CHL1: variants seen among roughly 807,000 people sequenced by gnomAD.
The protein encoded by CHL1 is neural cell adhesion molecule L1-like protein.
CHL1 carries 96 observed loss-of-function variants against 141.9 expected under a neutral mutation model. The ratio of observed to expected loss-of-function variants is 0.68; its 90% CI spans 0.57 to 0.80. The LOEUF is 0.80. Ranked by LOEUF, CHL1 falls within the 30% of genes least tolerant of loss-of-function variation. CHL1 has a pLI of 0.00. For synonymous variants in CHL1, 613 were observed against 502.2 expected, an observed-to-expected ratio of 1.22 and a Z score of -2.95; for missense variants, 1,820 against 1,457.2, an observed-to-expected ratio of 1.25 and a Z score of -4.05.
At chr3:214,155 T>C (rs1317233074) in intron 1 of CHL1, among the ~76,000 whole-genome samples, 2 of 152,162 alleles carry the variant, frequency 1.3e-5, no homozygotes, top group Non-Finnish European at 2.9e-5. Context: ...TGCTTTTCGA[T>C]TGTGAGACGA....
chr3:338,816 A>G (rs1225702999), intron 5 of CHL1, among the ~76,000 whole-genome samples: 1 of 152,176 alleles, frequency 6.6e-6, no homozygotes, highest in Admixed American at 6.5e-5. Flanking sequence ...TTACATTTTC[A>G]GAATTAGAAT....
At chr3:253,330 T>G (rs1460346725) in intron 2 of CHL1, among the ~76,000 whole-genome samples, 2 of 152,086 alleles carry the variant, frequency 1.3e-5, no homozygotes, top group African/African-American at 4.8e-5. Flanking sequence ...TTGTTTAGAG[T>G]TCTTCTCTGA....
At chr3:374,551 C>T (rs139830871) in intron 15 of CHL1, among the ~76,000 whole-genome samples, 7 of 152,328 alleles carry the variant, frequency 4.6e-5, no homozygotes, top group Admixed American at 2.0e-4. Context: ...CCCAGTTTTA[C>T]AGTTCCTGCA....
intron 20 of CHL1, among the ~76,000 whole-genome samples, chr3:390,198 A>G (rs1708107115): frequency 6.6e-6 from 1 of 152,238 alleles, no homozygotes; most frequent in Non-Finnish European, 1.5e-5. Context: ...AGATAGTATT[A>G]GCCTTGACTG....
At chr3:248,658 T>G (rs1693403852) in intron 2 of CHL1, 1 of 152,132 alleles carries the variant, frequency 6.6e-6, no homozygotes, top group Non-Finnish European at 1.5e-5. Flanking sequence ...AAGCTCAATC[T>G]TCATAGCCTT....
intron 1 of CHL1, among the ~76,000 whole-genome samples, chr3:240,034 G>A (rs1017181948): frequency 1.3e-5 from 2 of 152,122 alleles, no homozygotes; most frequent in African/African-American, 2.4e-5. Flanking sequence ...TTGCGATTGC[G>A]AATTGTGCTG....
At chr3:373,328 C>T (rs1194692861) in intron 15 of CHL1, among the ~76,000 whole-genome samples, 1 of 152,202 alleles carries the variant, frequency 6.6e-6, no homozygotes, top group African/African-American at 2.4e-5. Context: ...TGCAGGGAAG[C>T]CCCACCCAAG....
At chr3:275,624 G>T (rs1696026345) in intron 2 of CHL1, among the ~76,000 whole-genome samples, 1 of 152,190 alleles carries the variant, frequency 6.6e-6, no homozygotes, top group Non-Finnish European at 1.5e-5. Context: ...AGGCAGGGAA[G>T]AGTAGACATG....
chr3:361,392 G>A (rs1355502315), intron 12 of CHL1, among the ~76,000 whole-genome samples: 1 of 126,202 alleles, frequency 7.9e-6, no homozygotes, highest in African/African-American at 2.9e-5. Context: ...AAACCAAAGA[G>A]CTTCTGCACA....
intron 2 of CHL1, among the ~76,000 whole-genome samples, chr3:267,527 A>C (rs1695259816): frequency 6.6e-6 from 1 of 152,146 alleles, no homozygotes; most frequent in African/African-American, 2.4e-5. Context: ...AGGATTTTTG[A>C]TTTTATGTTA....
rs1574894517 is a variant in CHL1, at chr3:261,729, T to G, written c.-95+17037T>G. ...AAGCCACAGACTTAACAACCAGCTC[T>G]CAAAATCCTCTCCTCAGTATTTATA... On this transcript the variant is annotated intron_variant, in intron 2 of 27. Transcript: ENST00000256509. Among the ~76,000 whole-genome samples the G allele has an allele frequency of 2.0e-5, 3 of 152,114 alleles. No homozygotes were observed. The East Asian group carries it at 5.8e-4, about 29-fold the overall frequency.
intron 2 of CHL1, among the ~76,000 whole-genome samples, chr3:311,531 A>G (rs1699752508): frequency 1.3e-5 from 2 of 152,082 alleles, no homozygotes; most frequent in Non-Finnish European, 2.9e-5. Context: ...AGCACTGCCC[A>G]GTCATGTGAC....
intron 19 of CHL1, among the ~76,000 whole-genome samples, chr3:386,262 G>A (rs1278213615): frequency 3.3e-5 from 5 of 149,384 alleles, no homozygotes; most frequent in African/African-American, 1.2e-4. Context: ...ATGAAGATGA[G>A]CAGTAGGAAC....
chr3:230,759 T>A (rs1701786315), intron 1 of CHL1, among the ~76,000 whole-genome samples: 1 of 152,208 alleles, frequency 6.6e-6, no homozygotes, highest in Non-Finnish European at 1.5e-5. Flanking sequence ...CTTATATTCT[T>A]ATAGGCAGAT....
intron 2 of CHL1, among the ~76,000 whole-genome samples, chr3:299,478 A>G (rs1698515039): frequency 6.6e-6 from 1 of 152,198 alleles, no homozygotes; most frequent in African/African-American, 2.4e-5. Context: ...CAGATGATAT[A>G]TTAGGCCAAC....
At chr3:381,847 C>A (rs1707080299) in intron 16 of CHL1, among the ~76,000 whole-genome samples, 1 of 152,126 alleles carries the variant, frequency 6.6e-6, no homozygotes. Context: ...TCCAGAAAAA[C>A]AACTTAGAGA....
intron 2 of CHL1, among the ~76,000 whole-genome samples, chr3:250,115 C>T (rs1693552689): frequency 6.6e-6 from 1 of 151,914 alleles, no homozygotes; most frequent in Non-Finnish European, 1.5e-5. Flanking sequence ...TACAGGCATG[C>T]ATCACCACAC....
At chr3:294,154 A>G (rs1697967147) in intron 2 of CHL1, among the ~76,000 whole-genome samples, 1 of 151,910 alleles carries the variant, frequency 6.6e-6, no homozygotes, top group Admixed American at 6.6e-5. Context: ...CCCTGTCTCT[A>G]TACAAAATTC....
At chr3:212,194 G>A (rs1056347578) in intron 1 of CHL1, among the ~76,000 whole-genome samples, 1 of 151,982 alleles carries the variant, frequency 6.6e-6, no homozygotes, top group Non-Finnish European at 1.5e-5. Flanking sequence ...TTTCTACAAC[G>A]AGTTTGCATT....
Sources: allele counts gnomAD v4.1 joint callset (sites outside exome capture counted in the v4.1 genomes callset), GRCh38; gene constraint gnomAD v4.1.1; transcripts MANE v1.5; gene names NCBI Gene and HGNC (gene_info 2026-07-23, HGNC 2026-07-21).